The following PDE4D variants were observed in gnomAD, a reference collection of about 807,000 sequenced individuals.
PDE4D encodes the protein phosphodiesterase 4D.
A neutral mutation model predicts 87.4 loss-of-function variants in PDE4D; 24 were observed. The observed-to-expected ratio is 0.27, with a 90% confidence interval of 0.20 to 0.39. The LOEUF is 0.39. Ranked by LOEUF, PDE4D falls within the 10% of genes least tolerant of loss-of-function variation. The pLI is 1.00. For synonymous variants in PDE4D, 384 were observed against 383.2 expected (o/e 1.00, Z -0.02); for missense variants, 714 against 1,041.0 (o/e 0.69, Z 4.32).
chr5:60,461,241 A>T (rs1746915198), intron 1 of PDE4D, among the ~76,000 whole-genome samples: 1 of 152,172 alleles, frequency 6.6e-6, no homozygotes. Context: ...CCTCCCAGGA[A>T]ATACACAGTT....
chr5:59,335,117 T>C (rs1199058724), intron 1 of PDE4D, among the ~76,000 whole-genome samples: 1 of 152,214 alleles, frequency 6.6e-6, no homozygotes, highest in East Asian at 1.9e-4. Context: ...TGGGCTGATA[T>C]GTTTAATGTT....
chr5:60,456,367 C>T lies in PDE4D; in HGVS notation c.-90+31575G>A, dbSNP rs141727933. On this transcript the variant is annotated intron_variant, in intron 1 of 16. Coordinates refer to the PDE4D transcript ENST00000502484. ...GCCTCTTTCCCCAGGTTTAAGGGTG[C>T]TACTGTTAACATGGCATTTCTGCCT... Among the ~76,000 whole-genome samples the T allele has an allele frequency of 9.0e-3, 1,364 of 152,322 alleles. 22 individuals are homozygous for T. Among genetic ancestry groups the T allele is most frequent in the African/African-American group, 0.032 (1,312 of 41,568 alleles).
At chr5:59,091,712 C>T (rs960998360) in intron 5 of PDE4D, among the ~76,000 whole-genome samples, 4 of 152,000 alleles carry the variant, frequency 2.6e-5, no homozygotes, top group Admixed American at 2.6e-4. Flanking sequence ...TAGGGTCTTT[C>T]TGAGGGGTGA....
chr5:60,355,124 C>T (rs1460008963), intron 1 of PDE4D, among the ~76,000 whole-genome samples: 1 of 152,090 alleles, frequency 6.6e-6, no homozygotes, highest in Non-Finnish European at 1.5e-5. Flanking sequence ...CAGAAACACA[C>T]AAGATCAAGA....
intron 1 of PDE4D, among the ~76,000 whole-genome samples, chr5:59,669,842 A>T (rs192539405): frequency 1.1e-3 from 172 of 152,342 alleles, no homozygotes; most frequent in African/African-American, 4.0e-3. Flanking sequence ...ATGTAGAAAC[A>T]ATAAATAACT....
intron 2 of PDE4D, among the ~76,000 whole-genome samples, chr5:59,196,169 A>G (rs1475578497): frequency 6.6e-6 from 1 of 152,240 alleles, no homozygotes; most frequent in Non-Finnish European, 1.5e-5. Flanking sequence ...TATTTTATAT[A>G]CAATCATCAG....
intron 1 of PDE4D, among the ~76,000 whole-genome samples, chr5:59,236,702 G>A (rs1236385332): frequency 6.6e-6 from 1 of 151,930 alleles, no homozygotes; most frequent in Non-Finnish European, 1.5e-5. Context: ...TGGTGTCCCT[G>A]CCCACATGCC....
intron 1 of PDE4D, among the ~76,000 whole-genome samples, chr5:60,414,598 T>C (rs1561225661): frequency 1.3e-5 from 2 of 152,234 alleles, no homozygotes; most frequent in Non-Finnish European, 2.9e-5. Flanking sequence ...AGACAGAATA[T>C]GCAACCTACT....
intron 1 of PDE4D, among the ~76,000 whole-genome samples, chr5:60,507,223 C>G (rs1038308077): frequency 6.6e-6 from 1 of 152,028 alleles, no homozygotes; most frequent in Admixed American, 6.6e-5. Context: ...TACAGGCACC[C>G]GCCACTATGC....
At chr5:60,474,737 G>A (rs1748176455) in intron 1 of PDE4D, among the ~76,000 whole-genome samples, 2 of 152,302 alleles carry the variant, frequency 1.3e-5, no homozygotes, top group Admixed American at 6.5e-5. Context: ...AGCTCTGCAA[G>A]GAAAGGCAGA....
intron 2 of PDE4D, among the ~76,000 whole-genome samples, chr5:60,078,266 G>GC (rs1187799709): frequency 6.6e-6 from 1 of 152,126 alleles, no homozygotes. Flanking sequence ...CTCTAGGTGA[G>GC]TCTGCTAAAT....
chr5:59,101,547 A>G (rs890848433), intron 5 of PDE4D, among the ~76,000 whole-genome samples: 2 of 152,196 alleles, frequency 1.3e-5, no homozygotes, highest in African/African-American at 4.8e-5. Flanking sequence ...AGAAGTGGAC[A>G]GTCAGATAGA....
intron 1 of PDE4D, among the ~76,000 whole-genome samples, chr5:59,635,452 C>T (rs1281250821): frequency 6.6e-6 from 1 of 152,122 alleles, no homozygotes; most frequent in East Asian, 1.9e-4. Context: ...AAATCTCAGG[C>T]CAAATATCCT....
intron 1 of PDE4D, among the ~76,000 whole-genome samples, chr5:59,644,862 A>T (rs1462089403): frequency 6.6e-6 from 1 of 152,214 alleles, no homozygotes; most frequent in Non-Finnish European, 1.5e-5. Context: ...TTGGTTCTTT[A>T]AAATTAATCG....
At chr5:60,380,655 G>A (rs566967546) in intron 1 of PDE4D, among the ~76,000 whole-genome samples, 16 of 152,286 alleles carry the variant, frequency 1.1e-4, no homozygotes, top group South Asian at 4.1e-4. Context: ...GAGATTGTTT[G>A]TTAGCGCAGC....
At chr5:59,893,867 C>A, upstream of PDE4D, 1 of 1,273,842 alleles carries the variant, frequency 7.9e-7, no homozygotes, top group African/African-American at 1.6e-5. Context: ...GACACGCTCC[C>A]GGGCTCCCCA....
chr5:59,421,634 A>G (rs1794494480), intron 1 of PDE4D, among the ~76,000 whole-genome samples: 1 of 152,150 alleles, frequency 6.6e-6, no homozygotes, highest in African/African-American at 2.4e-5. Context: ...TGGTAAGAGT[A>G]AGATGATGAG....
At chr5:59,420,690 A>G (rs1418714023) in intron 1 of PDE4D, among the ~76,000 whole-genome samples, 5 of 27,348 alleles carry the variant, frequency 1.8e-4, no homozygotes, top group Non-Finnish European at 2.9e-4. Context: ...ACTGCACAAG[A>G]AAAAAAAAAA....
chr5:59,799,400 G>A (rs1010380736), intron 1 of PDE4D, among the ~76,000 whole-genome samples: 1 of 152,184 alleles, frequency 6.6e-6, no homozygotes. Context: ...CAGAACATGA[G>A]AAACAGAACT....
Sources: gnomAD v4.1 joint callset for allele counts (sites outside exome capture counted in the v4.1 genomes callset) on GRCh38, gnomAD v4.1.1 for gene constraint, MANE v1.5 for transcripts, NCBI Gene and HGNC (gene_info 2026-07-23, HGNC 2026-07-21) for gene names.